Variants in ADGRG4 observed in about 807,000 individuals in gnomAD.
ADGRG4 encodes G protein-coupled receptor 112.
Under a neutral mutation model 126.2 loss-of-function variants are expected in ADGRG4, and 122 were observed. The ratio of observed to expected loss-of-function variants is 0.97; its 90% CI spans 0.83 to 1.12. The LOEUF is 1.12. Ranked by LOEUF, ADGRG4 falls within the 50% of genes most tolerant of loss-of-function variation. The pLI is 0.00. For synonymous variants in ADGRG4, 943 were observed against 838.7 expected, an observed-to-expected ratio of 1.12 and a Z score of -2.15; for missense variants, 2,481 against 2,251.8, an observed-to-expected ratio of 1.10 and a Z score of -2.06.
intron 17 of ADGRG4, 34 bp downstream of exon 17, chrX:136,392,388 G>A (rs759015320): frequency 1.8e-6 from 2 of 1,107,878 alleles, no homozygotes; most frequent in South Asian, 2.5e-5. Flanking sequence ...GAATCAAATG[G>A]CCTCAGGAAC....
intron 11 of ADGRG4, among the ~76,000 whole-genome samples, chrX:136,361,245 C>T (rs1337431223): frequency 9.1e-6 from 1 of 109,303 alleles, no homozygotes; most frequent in Admixed American, 9.9e-5. Context: ...AAAAAACACT[C>T]CATATAATGA....
intron 16 of ADGRG4, 21 bp from the exon 17 acceptor site, chrX:136,392,208 ACTC>A (rs755208460): frequency 8.8e-7 from 1 of 1,136,766 alleles, no homozygotes; most frequent in Admixed American, 2.5e-5. Context: ...TAGGTCCTGA[ACTC>A]CTCTTTTGTT....
Position 136,359,317 on chromosome X carries a change from G to A in ADGRG4, c.7006G>A (p.Ala2336Thr). The change falls in exon 11 of 26, where the codon GCC (alanine) becomes ACC (threonine). Residue 2336 changes from alanine to threonine, a missense_variant. Ala to Thr is a moderately conservative substitution (Grantham distance 58, BLOSUM62 0). Transcript: ENST00000394143. ...YSCVCQVIIK[A>T]SSSLASSELM... ...TTGTGTTTGTCAGGTCATCATAAAA[G>A]CCAGCTCTTCCTTAGCATCCTCTGA... 2 of 1,204,506 alleles carry A rather than the reference G, an allele frequency of 1.7e-6. No individual in the cohort carries two copies. The highest frequency in any genetic ancestry group is 2.2e-6 in the Non-Finnish European group (2 of 892,180).
At chrX:136,397,688 A>T (rs1329494362) in intron 19 of ADGRG4, among the ~76,000 whole-genome samples, 193 bp from the exon 20 acceptor site, 1 of 111,133 alleles carries the variant, frequency 9.0e-6, no homozygotes, top group African/African-American at 3.3e-5. Context: ...CCCTGTACAC[A>T]GTCAGTTGGA....
chrX:136,366,820 A>G (rs190087860), intron 13 of ADGRG4, among the ~76,000 whole-genome samples: 53 of 111,465 alleles, frequency 4.8e-4, no homozygotes, highest in Admixed American at 4.2e-3. Flanking sequence ...CATATTTTCC[A>G]TATTTATGTC....
chrX:136,375,258 C>T (rs1244983578), intron 15 of ADGRG4, among the ~76,000 whole-genome samples: 2 of 111,966 alleles, frequency 1.8e-5, no homozygotes, highest in Non-Finnish European at 3.8e-5. Context: ...TGTATATATA[C>T]CACATTTTCT....
intron 11 of ADGRG4, among the ~76,000 whole-genome samples, chrX:136,360,124 C>A (rs1010112844): frequency 9.0e-6 from 1 of 111,139 alleles, no homozygotes; most frequent in African/African-American, 3.3e-5. Context: ...GGGGCAGAAA[C>A]GTGTTGAAGC....
intron 20 of ADGRG4, among the ~76,000 whole-genome samples, chrX:136,399,418 A>G (rs2075367905): frequency 9.0e-6 from 1 of 111,476 alleles, no homozygotes. Flanking sequence ...GCAATCACTT[A>G]ATAAAACTTA....
At chrX:136,303,131 G>A in intron 1 of ADGRG4, among the ~76,000 whole-genome samples, 1 of 111,936 alleles carries the variant, frequency 8.9e-6, no homozygotes, top group Non-Finnish European at 1.9e-5. Flanking sequence ...AACCATATGG[G>A]CAATATAGCA....
At chrX:136,305,200 A>C (rs1241189596) in intron 3 of ADGRG4, among the ~76,000 whole-genome samples, 177 bp downstream of exon 3, 1 of 111,896 alleles carries the variant, frequency 8.9e-6, no homozygotes, top group Non-Finnish European at 1.9e-5. Flanking sequence ...ATCATGGATT[A>C]TTCCAATACA....
At chrX:136,356,753 T>C (rs890254039) in intron 9 of ADGRG4, among the ~76,000 whole-genome samples, 1 of 111,771 alleles carries the variant, frequency 8.9e-6, no homozygotes, top group Non-Finnish European at 1.9e-5. Flanking sequence ...ATCCCAGAGA[T>C]TTGGGAGGCT....
chrX:136,382,332 A>C (rs2075268389), intron 15 of ADGRG4, among the ~76,000 whole-genome samples: 1 of 112,536 alleles, frequency 8.9e-6, no homozygotes. Flanking sequence ...AAAAGAAAAA[A>C]AAATAAAATG....
chrX:136,387,639 C>T (rs776354558), intron 15 of ADGRG4, 101 bp from the exon 16 acceptor site: 39 of 754,856 alleles, frequency 5.2e-5, no homozygotes, highest in Admixed American at 3.2e-4. Flanking sequence ...CCTTTCAGTC[C>T]TTTGGGTGAT....
intron 15 of ADGRG4, among the ~76,000 whole-genome samples, chrX:136,377,167 CTTTTTTTTT>C (rs1184343263): frequency 0.011 from 557 of 48,692 alleles, 6 homozygotes; most frequent in African/African-American, 0.053. Flanking sequence ...GTTTTCTTTC[CTTTTTTTTT>C]TTTTTTTTTT....
intron 7 of ADGRG4, among the ~76,000 whole-genome samples, chrX:136,352,397 G>A (rs757535473): frequency 5.6e-4 from 62 of 110,003 alleles, no homozygotes; most frequent in Middle Eastern, 9.4e-3. Context: ...TGGGCACTGT[G>A]GCTCATGCCT....
At chrX:136,368,030 T>C (rs137919944) in intron 13 of ADGRG4, among the ~76,000 whole-genome samples, 3 of 111,714 alleles carry the variant, frequency 2.7e-5, no homozygotes, top group African/African-American at 9.8e-5. Flanking sequence ...CAGGGCAGGA[T>C]AGTGAGTGCT....
At chrX:136,341,432 C>T (rs1055039364) in intron 5 of ADGRG4, among the ~76,000 whole-genome samples, 3 of 112,292 alleles carry the variant, frequency 2.7e-5, no homozygotes, top group African/African-American at 9.7e-5. Context: ...TGCCACACTC[C>T]TCAAATGTGC....
chrX:136,316,562 G>T (rs769450194), intron 4 of ADGRG4, among the ~76,000 whole-genome samples: 1 of 111,603 alleles, frequency 9.0e-6, no homozygotes, highest in African/African-American at 3.3e-5. Context: ...CTGCCTCCCG[G>T]GTTCAAGTGA....
chrX:136,326,729 A>C (rs2148453412), intron 5 of ADGRG4, among the ~76,000 whole-genome samples: 1 of 111,350 alleles, frequency 9.0e-6, no homozygotes, highest in South Asian at 3.8e-4. Flanking sequence ...AGGGGGCAAT[A>C]TATGAATAAA....
Sources: gnomAD v4.1 joint callset for allele counts (sites outside exome capture counted in the v4.1 genomes callset) on GRCh38, gnomAD v4.1.1 for gene constraint, MANE v1.5 for transcripts, NCBI Gene and HGNC (gene_info 2026-07-23, HGNC 2026-07-21) for gene names.